The following FARP1 variants were observed in gnomAD, a reference collection of about 807,000 sequenced individuals.
FARP1 encodes the protein FERM, ARHGEF and pleckstrin domain-containing protein 1.
In FARP1, 52 loss-of-function variants were observed where a neutral mutation model predicts 128.8. That is an observed-to-expected ratio of 0.40 (90% CI 0.32 to 0.51). The LOEUF (loss-of-function observed/expected upper bound fraction) is 0.51, where lower values mean the gene tolerates loss of function less well. Among genes scored for constraint, FARP1 ranks in the 20% least tolerant of loss-of-function variants. The pLI, the probability that FARP1 is intolerant of heterozygous loss-of-function variation, is 0.45. For synonymous variants in FARP1, 580 were observed against 551.8 expected, an observed-to-expected ratio of 1.05 and a Z score of -0.72; for missense variants, 1,333 against 1,367.9, an observed-to-expected ratio of 0.97 and a Z score of 0.40.
intron 1 of FARP1, among the ~76,000 whole-genome samples, chr13:98,178,323 G>C (rs551621530): frequency 6.6e-6 from 1 of 151,326 alleles, no homozygotes; most frequent in Admixed American, 6.6e-5. Context: ...AGCCTCCTGA[G>C]TAGCTGGGAT....
At chr13:98,182,811 C>T (rs1005754500) in intron 1 of FARP1, among the ~76,000 whole-genome samples, 1 of 152,198 alleles carries the variant, frequency 6.6e-6, no homozygotes, top group Non-Finnish European at 1.5e-5. Flanking sequence ...TTTTTTAGCA[C>T]TGGATATTTC....
chr13:98,308,317 C>T (rs1030216362), intron 2 of FARP1, among the ~76,000 whole-genome samples: 6 of 152,166 alleles, frequency 3.9e-5, no homozygotes, highest in Non-Finnish European at 8.8e-5. Flanking sequence ...CCGCTCTTCT[C>T]GTGCTCCCTC....
At chr13:98,277,527 T>G (rs1026970156) in intron 2 of FARP1, among the ~76,000 whole-genome samples, 7 of 152,182 alleles carry the variant, frequency 4.6e-5, no homozygotes, top group Non-Finnish European at 1.5e-5. Flanking sequence ...TTCTGCTTAT[T>G]CAACAAGCCG....
chr13:98,295,092 CA>C (rs2139678207), intron 2 of FARP1, among the ~76,000 whole-genome samples: 1 of 84,238 alleles, frequency 1.2e-5, no homozygotes, highest in East Asian at 3.1e-4. Flanking sequence ...CACACACACA[CA>C]CACACACACA....
chr13:98,144,611 C>T (rs1875376813), intron 1 of FARP1, among the ~76,000 whole-genome samples: 2 of 152,224 alleles, frequency 1.3e-5, no homozygotes, highest in Non-Finnish European at 2.9e-5. Flanking sequence ...CAGAGCCAAA[C>T]CCTGGCCTAG....
intron 3 of FARP1, among the ~76,000 whole-genome samples, chr13:98,364,401 T>A (rs1007024683): frequency 6.6e-5 from 10 of 152,194 alleles, no homozygotes; most frequent in Non-Finnish European, 8.8e-5. Flanking sequence ...GAAATGGTAT[T>A]TAATTGTTTC....
chr13:98,378,224 A>G (rs1889674529), intron 6 of FARP1, among the ~76,000 whole-genome samples: 1 of 152,218 alleles, frequency 6.6e-6, no homozygotes. Context: ...CAAATAGACT[A>G]AACTTGTTCT....
chr13:98,422,085 G>A (rs1374251343), intron 16 of FARP1, among the ~76,000 whole-genome samples: 1 of 152,206 alleles, frequency 6.6e-6, no homozygotes, highest in Non-Finnish European at 1.5e-5. Flanking sequence ...AGGGTGAAAA[G>A]AGAGGACAAC....
chr13:98,148,622 C>T (rs1393322132), intron 1 of FARP1, among the ~76,000 whole-genome samples: 2 of 152,284 alleles, frequency 1.3e-5, no homozygotes, highest in East Asian at 3.9e-4. Context: ...TTCCTTCTTC[C>T]TGAGACACAT....
At chr13:98,309,093 G>A (rs935009640) in intron 2 of FARP1, among the ~76,000 whole-genome samples, 3 of 145,674 alleles carry the variant, frequency 2.1e-5, no homozygotes, top group South Asian at 2.2e-4. Flanking sequence ...ATATGTTAAA[G>A]TGATAATATT....
intron 2 of FARP1, among the ~76,000 whole-genome samples, chr13:98,278,288 ATGTATG>A (rs1261585666): frequency 6.9e-6 from 1 of 144,828 alleles, no homozygotes; most frequent in African/African-American, 2.8e-5. Context: ...GAATGTGTGT[ATGTATG>A]TGTGTGTGTG....
chr13:98,217,823 C>G (rs142175826), intron 2 of FARP1, among the ~76,000 whole-genome samples: 72 of 152,332 alleles, frequency 4.7e-4, no homozygotes, highest in African/African-American at 1.6e-3. Flanking sequence ...GTCATCATAT[C>G]CTACGCCGCA....
At chr13:98,227,451 TA>T (rs61196423) in intron 2 of FARP1, among the ~76,000 whole-genome samples, 2,236 of 141,422 alleles carry the variant, frequency 0.016, 33 homozygotes, top group African/African-American at 0.05. Flanking sequence ...TGGCTACTAT[TA>T]AAAAAAAAAA....
chr13:98,419,591 C>T (rs1179752597), intron 16 of FARP1, among the ~76,000 whole-genome samples: 3 of 151,814 alleles, frequency 2.0e-5, no homozygotes, highest in Admixed American at 1.3e-4. Context: ...ATGTAGGATC[C>T]GTCTGTTCCC....
chr13:98,353,855 A>C (rs141875258), intron 3 of FARP1, among the ~76,000 whole-genome samples: 2,055 of 151,404 alleles, frequency 0.014, 23 homozygotes, highest in Middle Eastern at 0.022. Context: ...ATCTCATGTT[A>C]ACTCTTCTTA....
chr13:98,153,522 T>C (rs1280432378), intron 1 of FARP1, among the ~76,000 whole-genome samples: 5 of 16,440 alleles, frequency 3.0e-4, no homozygotes, highest in Admixed American at 1.2e-3. Context: ...TATATATTTA[T>C]ATATATATTA....
At chr13:98,428,902 C>T (rs3783011) in intron 17 of FARP1, among the ~76,000 whole-genome samples, 12,905 of 152,274 alleles carry the variant, frequency 0.085, 604 homozygotes, top group East Asian at 0.11. Flanking sequence ...TCGCACAGAG[C>T]GACACACACA....
At chr13:98,185,399 T>C (rs1878794118) in intron 1 of FARP1, among the ~76,000 whole-genome samples, 1 of 152,104 alleles carries the variant, frequency 6.6e-6, no homozygotes, top group South Asian at 2.1e-4. Context: ...CTCTCTATGG[T>C]TGGTTCAGGT....
intron 2 of FARP1, among the ~76,000 whole-genome samples, chr13:98,231,780 C>G (rs752742432): frequency 1.4e-4 from 22 of 152,066 alleles, no homozygotes; most frequent in Non-Finnish European, 2.8e-4. Flanking sequence ...ACTTTTTTTC[C>G]TCATAGAGAA....
Sources: gnomAD v4.1 joint callset for allele counts (sites outside exome capture counted in the v4.1 genomes callset) on GRCh38, gnomAD v4.1.1 for gene constraint, MANE v1.5 for transcripts, NCBI Gene and HGNC (gene_info 2026-07-23, HGNC 2026-07-21) for gene names.